The following CHEK2 variants were observed in gnomAD, a reference collection of about 807,000 sequenced individuals.
CHEK2 encodes the protein serine/threonine-protein kinase Chk2.
Under a neutral mutation model 69.1 loss-of-function variants are expected in CHEK2, and 71 were observed. The observed-to-expected ratio is 1.03, with a 90% confidence interval of 0.85 to 1.25. The LOEUF is 1.25. Among genes scored for constraint, CHEK2 ranks in the 50% most tolerant of loss-of-function variants. The pLI is 0.00. For missense variants in CHEK2, 664 were observed against 649.6 expected (o/e 1.02, Z -0.24); for synonymous variants, 189 against 226.9 (o/e 0.83, Z 1.50).
In CHEK2 at chr22:28,734,658, G is replaced by T; in HGVS notation, c.64C>A (p.His22Asn). ...SHGSSACSQP[H>N]GSVTQSQGSS... ...CCTTGGGACTGGGTAACGCTGCCAT[G>T]GGGCTGTGAACAGGCACTGCTGCCA... Residue 22 changes from histidine (H) to asparagine (N), a missense_variant, in exon 2 of 15, where the codon CAT becomes AAT. By Grantham distance (68) the His-to-Asn change is moderately conservative. Coordinates refer to ENST00000404276, the MANE Select transcript of CHEK2 (RefSeq NM_007194.4). The T allele has an allele frequency of 6.2e-7, 1 of 1,613,926 alleles. No homozygotes were observed. The highest frequency in any genetic ancestry group is 1.1e-5 in the South Asian group (1 of 91,064).
intron 13 of CHEK2, among the ~76,000 whole-genome samples, chr22:28,690,818 A>AGGAAAAAG (rs1208815917): frequency 7.0e-6 from 1 of 143,242 alleles, no homozygotes; most frequent in South Asian, 2.5e-4. Context: ...GAAGCAAGGA[A>AGGAAAAAG]GGAAAAAGGG....
intron 5 of CHEK2, chr22:28,712,250 A>T: frequency 1.8e-6 from 1 of 557,396 alleles, no homozygotes; most frequent in Non-Finnish European, 3.2e-6. Context: ...CAATACAAAC[A>T]TGGGTCTTAC....
At chr22:28,740,018 T>C (rs868511148) in intron 1 of CHEK2, among the ~76,000 whole-genome samples, 15 of 152,078 alleles carry the variant, frequency 9.9e-5, no homozygotes, top group Middle Eastern at 3.4e-3. Context: ...CTGGTCGACA[T>C]GGTGAAACCC....
At chr22:28,689,239 G>A (rs1318696369) in intron 13 of CHEK2, 24 bp from the exon 14 acceptor site, 2 of 1,397,340 alleles carry the variant, frequency 1.4e-6, no homozygotes, top group Non-Finnish European at 1.0e-6. Context: ...AAAAACATAA[G>A]TAGCTGTGTC....
In CHEK2 at chr22:28,725,000, G is replaced by A. The variant is rs786203483; in HGVS notation, c.569C>T (p.Ala190Val). The change falls in exon 4 of 15, where the codon GCA becomes GTA. Residue 190 changes from alanine (A) to valine (V), a missense_variant. Coordinates refer to ENST00000404276, the MANE Select transcript of CHEK2 (RefSeq NM_007194.4). ...ACCTTTATTTCTGCTTAGTGACAGT[G>A]CAATTTCAGAATTGTTATTCAAAGG... Reference protein sequence around the residue: ...RRPLNNNSEIALSLSRNKVFV... With the variant: ...RRPLNNNSEIVLSLSRNKVFV... The A allele has an allele frequency of 6.2e-7, 1 of 1,613,792 alleles. No individual in the cohort carries two copies. The highest frequency in any genetic ancestry group is 8.5e-7 in the Non-Finnish European group (1 of 1,179,968).
chr22:28,732,188 T>G (rs2054239135), intron 2 of CHEK2, among the ~76,000 whole-genome samples: 1 of 152,090 alleles, frequency 6.6e-6, no homozygotes, highest in Non-Finnish European at 1.5e-5. Flanking sequence ...CTCGGTTCAC[T>G]GCAACCTCTG....
At position 28,734,710 on chromosome 22, in the gene CHEK2, C is replaced by A. The variant is rs1213043094; in HGVS notation, c.12G>T (p.Glu4Asp). MSR[E>D]SDVEAQQSHG... ...GAGACTGCTGAGCCTCAACATCCGA[C>A]TCCCGAGACATCACGACCTCAAAAA... Residue 4 changes from glutamate (E) to aspartate (D), a missense_variant, in exon 2 of 15, where the codon GAG becomes GAT. By Grantham distance (45) the Glu-to-Asp change is conservative. Transcript: ENST00000404276. 1 of 1,613,552 alleles carries A rather than the reference C, an allele frequency of 6.2e-7. No homozygotes were observed. Among genetic ancestry groups the A allele is most frequent in the Admixed American group, 1.7e-5 (1 of 59,964 alleles).
At chr22:28,712,349 C>G (rs1360410442) in intron 5 of CHEK2, 1 of 347,190 alleles carries the variant, frequency 2.9e-6, no homozygotes, top group Non-Finnish European at 5.3e-6. Context: ...AAAACATTAA[C>G]TAGAAACAGT....
chr22:28,721,970 A>G (rs2053802279), intron 4 of CHEK2, among the ~76,000 whole-genome samples: 1 of 152,046 alleles, frequency 6.6e-6, no homozygotes, highest in African/African-American at 2.4e-5. Flanking sequence ...GACTCAAGCA[A>G]TCTTCCTGTC....
intron 7 of CHEK2, among the ~76,000 whole-genome samples, chr22:28,709,135 C>A (rs2053292203): frequency 6.6e-6 from 1 of 151,900 alleles, no homozygotes; most frequent in Non-Finnish European, 1.5e-5. Flanking sequence ...TAAGATTAAG[C>A]CCACCCTCTA....
Position 28,695,232 on chromosome 22 carries a change from A to G in CHEK2, c.1270T>C (p.Tyr424His), listed in dbSNP as rs139366548. 1.5e-4 allele frequency: 245 copies of G among 1,593,488 alleles called. 1 individual carries two copies. The highest frequency in any genetic ancestry group is 2.2e-5 in the Non-Finnish European group (25 of 1,161,502). The change falls in exon 12 of 15, where the codon TAT (tyrosine) becomes CAT (histidine). Residue 424 changes from tyrosine (Y) to histidine (H), a missense_variant. Tyr to His is a moderately conservative substitution (Grantham distance 83). Transcript: ENST00000404276. Reference protein sequence around the residue: ...GVILFICLSGYPPFSEHRTQV... With the variant: ...GVILFICLSGHPPFSEHRTQV... ...GTCCTATGCTCAGAGAAAGGTGGAT[A>G]CCCACTAAGGCTTAATATTGGTAGA...
intron 8 of CHEK2, among the ~76,000 whole-genome samples, chr22:28,700,562 T>A (rs959853212): frequency 6.6e-6 from 1 of 152,088 alleles, no homozygotes; most frequent in Admixed American, 6.6e-5. Context: ...CTGAGACTGA[T>A]GTAGAAGAGC....
At chr22:28,724,747 G>C (rs1339485322) in intron 4 of CHEK2, 1 of 525,248 alleles carries the variant, frequency 1.9e-6, no homozygotes, top group Non-Finnish European at 3.6e-6. Context: ...TGTATTTTTA[G>C]TAGAGACAGG....
chr22:28,699,649 A>T (rs1364950512), intron 9 of CHEK2, 189 bp downstream of exon 9: 1 of 602,122 alleles, frequency 1.7e-6, no homozygotes, highest in Non-Finnish European at 3.0e-6. Flanking sequence ...GGCATGAACC[A>T]CCGCGCCTCG....
At chr22:28,706,304 A>T (rs1031152488) in intron 7 of CHEK2, among the ~76,000 whole-genome samples, 19 of 100,650 alleles carry the variant, frequency 1.9e-4, no homozygotes, top group African/African-American at 6.4e-4. Flanking sequence ...CAGCTCACAC[A>T]CACACACACA....
rs1375690221 is a variant in CHEK2, at chr22:28,696,928, T to C, written c.1068A>G (p.Ser356=). The C allele has an allele frequency of 6.2e-7, 1 of 1,612,574 alleles. No homozygotes were observed. Among genetic ancestry groups the C allele is most frequent in the African/African-American group, 1.3e-5 (1 of 74,922 alleles). ...RDLKPENVLL[S]SQEEDCLIKI... ...TTATAAGACAGTCCTCTTCTTGAGA[T>C]GACAGTAAAACATTCTCTGGCTTTA... The change falls in exon 10 of 15, where the codon TCA becomes TCG. Residue 356 remains serine, a synonymous_variant. Coordinates refer to ENST00000404276, the MANE Select transcript of CHEK2 (RefSeq NM_007194.4).
chr22:28,706,298 TCACACACACACACACA>T (rs113795955), intron 7 of CHEK2, among the ~76,000 whole-genome samples: 1 of 147,880 alleles, frequency 6.8e-6, no homozygotes, highest in African/African-American at 2.5e-5. Context: ...ACACTCCAGC[TCACACACACACACACA>T]CACACACACA....
intron 9 of CHEK2, among the ~76,000 whole-genome samples, chr22:28,697,765 G>A (rs5752772): frequency 0.39 from 58,962 of 151,428 alleles, 13,189 homozygotes; most frequent in Non-Finnish European, 0.51. Flanking sequence ...TTGTAGAGAC[G>A]GGATCTCACA....
At chr22:28,718,309 C>A (rs2053652497) in intron 5 of CHEK2, among the ~76,000 whole-genome samples, 1 of 152,020 alleles carries the variant, frequency 6.6e-6, no homozygotes, top group African/African-American at 2.4e-5. Flanking sequence ...GAAAAGAGAA[C>A]CCTGGTACAC....
Sources: gnomAD v4.1 joint callset for allele counts (sites outside exome capture counted in the v4.1 genomes callset) on GRCh38, gnomAD v4.1.1 for gene constraint, MANE v1.5 for transcripts, NCBI Gene and HGNC (gene_info 2026-07-23, HGNC 2026-07-21) for gene names.